The following IFTAP variants were observed in gnomAD, a reference collection of about 807,000 sequenced individuals.
IFTAP encodes the protein intraflagellar transport-associated protein.
A neutral mutation model predicts 19.4 loss-of-function variants in IFTAP; 19 were observed. That is an observed-to-expected ratio of 0.98 (90% CI 0.68 to 1.44). IFTAP has a LOEUF of 1.44. Among genes scored for constraint, IFTAP ranks in the 40% most tolerant of loss-of-function variants. The pLI is 0.00. For synonymous variants in IFTAP, 85 were observed against 83.5 expected, an observed-to-expected ratio of 1.02 and a Z score of -0.10; for missense variants, 240 against 253.6, an observed-to-expected ratio of 0.95 and a Z score of 0.36.
Position 36,643,802 on chromosome 11 carries a change from A to G in IFTAP, c.359-4214A>G, listed in dbSNP as rs187612746. 1.6e-3 allele frequency among the ~76,000 whole-genome samples: 239 copies of G among 152,340 alleles called. 2 individuals carry two copies. Among genetic ancestry groups the G allele is most frequent in the African/African-American group, 5.4e-3 (226 of 41,568 alleles). On this transcript the variant is annotated intron_variant, in intron 4 of 5. Transcript: ENST00000334307. ...GGAAAACTGGCTAGCCATATGTGGA[A>G]AGCTGAAACTGGATCCCTTCCTTAC...
chr11:36,616,658 A>T (rs1210087713), intron 2 of IFTAP, among the ~76,000 whole-genome samples: 1 of 151,906 alleles, frequency 6.6e-6, no homozygotes. Context: ...CTTAATTCAC[A>T]TTGAGTTATT....
intron 2 of IFTAP, among the ~76,000 whole-genome samples, chr11:36,623,608 C>T (rs1194650467): frequency 6.6e-6 from 1 of 152,148 alleles, no homozygotes; most frequent in African/African-American, 2.4e-5. Flanking sequence ...GTGCATGTGT[C>T]ATAGGTCAAA....
At chr11:36,658,443 T>A (rs572242803) in intron 5 of IFTAP, among the ~76,000 whole-genome samples, 1 of 152,018 alleles carries the variant, frequency 6.6e-6, no homozygotes, top group Admixed American at 6.6e-5. Flanking sequence ...GTAATATTTT[T>A]AAATTCTTGG....
chr11:36,598,623 C>G (rs1265256353), intron 1 of IFTAP, among the ~76,000 whole-genome samples: 1 of 152,154 alleles, frequency 6.6e-6, no homozygotes, highest in Admixed American at 6.5e-5. Context: ...TAATGCAAGG[C>G]TCAGAAGGAA....
At position 36,619,611 on chromosome 11, in the gene IFTAP, G is replaced by GT. The variant is rs572216069; in HGVS notation, c.136+9374dup. Among the ~76,000 whole-genome samples the GT allele has an allele frequency of 2.4e-3, 368 of 152,116 alleles. 4 individuals carry two copies. The highest frequency in any genetic ancestry group is 4.4e-3 in the Non-Finnish European group (298 of 67,982). On this transcript the variant is annotated intron_variant, in intron 2 of 5. Coordinates refer to ENST00000334307, the MANE Select transcript of IFTAP (RefSeq NM_138787.4). ...CTTTTGCAGTTATTTTCTGTCATGTGTTAGATAGAGACCAGAGGGCTTAAC... is the reference window on the plus strand; with the variant it reads ...CTTTTGCAGTTATTTTCTGTCATGTGTTTAGATAGAGACCAGAGGGCTTAAC...
At chr11:36,612,863 C>G (rs185115888) in intron 2 of IFTAP, among the ~76,000 whole-genome samples, 1 of 152,110 alleles carries the variant, frequency 6.6e-6, no homozygotes, top group East Asian at 1.9e-4. Context: ...GAAAGAAATT[C>G]TCATTACTGC....
intron 3 of IFTAP, among the ~76,000 whole-genome samples, chr11:36,634,074 GT>G (rs1378723372): frequency 6.6e-6 from 1 of 152,060 alleles, no homozygotes; most frequent in Non-Finnish European, 1.5e-5. Flanking sequence ...AAATCTCTGT[GT>G]TAGAAATATG....
At chr11:36,599,728 T>C (rs1456712899) in intron 1 of IFTAP, among the ~76,000 whole-genome samples, 1 of 152,206 alleles carries the variant, frequency 6.6e-6, no homozygotes, top group African/African-American at 2.4e-5. Context: ...AAAAGCATCG[T>C]CATCTCTTCT....
chr11:36,606,085 A>C (rs536805664), intron 1 of IFTAP, among the ~76,000 whole-genome samples: 1 of 152,322 alleles, frequency 6.6e-6, no homozygotes, highest in East Asian at 1.9e-4. Flanking sequence ...AGAAAAGGCA[A>C]GTTCTAAATT....
At chr11:36,658,868 T>G in intron 5 of IFTAP, 151 bp from the exon 6 acceptor site, 3 of 538,308 alleles carry the variant, frequency 5.6e-6, no homozygotes, top group South Asian at 3.5e-5. Context: ...ATAATTAAAT[T>G]TATTTCTTTA....
At chr11:36,656,617 T>A (rs1280359619) in intron 5 of IFTAP, among the ~76,000 whole-genome samples, 1 of 152,120 alleles carries the variant, frequency 6.6e-6, no homozygotes, top group Non-Finnish European at 1.5e-5. Context: ...TTCCTCTCTA[T>A]GCTTCTGTTT....
chr11:36,611,014 T>G (rs1027481719), intron 2 of IFTAP, among the ~76,000 whole-genome samples: 17 of 152,102 alleles, frequency 1.1e-4, no homozygotes, highest in African/African-American at 2.2e-4. Flanking sequence ...GTGTTTTTTT[T>G]GGGGGGATCC....
At chr11:36,646,608 A>C (rs1218366342) in intron 4 of IFTAP, among the ~76,000 whole-genome samples, 1 of 152,140 alleles carries the variant, frequency 6.6e-6, no homozygotes, top group African/African-American at 2.4e-5. Flanking sequence ...AGTAAAATAA[A>C]ATATGTAACA....
At chr11:36,639,367 C>G (rs766278190) in intron 4 of IFTAP, among the ~76,000 whole-genome samples, 23 of 151,856 alleles carry the variant, frequency 1.5e-4, no homozygotes, top group South Asian at 1.0e-3. Flanking sequence ...GGCACTGATT[C>G]CTGCTCAAAG....
intron 2 of IFTAP, among the ~76,000 whole-genome samples, chr11:36,624,005 A>ATAT (rs534276487): frequency 3.8e-4 from 58 of 151,754 alleles, no homozygotes; most frequent in African/African-American, 1.3e-3. Context: ...GTATATATAT[A>ATAT]TTTTTTTCCT....
chr11:36,633,863 T>C (rs1274021322), intron 3 of IFTAP, among the ~76,000 whole-genome samples: 3 of 152,126 alleles, frequency 2.0e-5, no homozygotes, highest in Non-Finnish European at 4.4e-5. Flanking sequence ...TCAATAAATG[T>C]TAGATACGCT....
chr11:36,628,009 C>CT (rs559143986), intron 2 of IFTAP, among the ~76,000 whole-genome samples: 2,870 of 144,024 alleles, frequency 0.02, 182 homozygotes, highest in African/African-American at 0.059. Flanking sequence ...CTTGCGAACT[C>CT]TTTTTTTTTT....
intron 1 of IFTAP, among the ~76,000 whole-genome samples, chr11:36,604,589 C>G (rs1851625968): frequency 6.6e-6 from 1 of 152,022 alleles, no homozygotes; most frequent in Non-Finnish European, 1.5e-5. Context: ...CAGCCTGTGG[C>G]CTTTTGAATG....
intron 1 of IFTAP, among the ~76,000 whole-genome samples, chr11:36,604,280 A>G (rs1851614067): frequency 6.6e-6 from 1 of 152,156 alleles, no homozygotes; most frequent in Non-Finnish European, 1.5e-5. Context: ...AATATATGGA[A>G]GTCTAGATGC....
Sources: allele counts gnomAD v4.1 joint callset (sites outside exome capture counted in the v4.1 genomes callset), GRCh38; gene constraint gnomAD v4.1.1; transcripts MANE v1.5; gene names NCBI Gene and HGNC (gene_info 2026-07-23, HGNC 2026-07-21).